RGS7: variants seen among roughly 807,000 people sequenced by gnomAD.
RGS7 encodes regulator of G protein signaling 7.
RGS7 carries 27 observed loss-of-function variants against 81.1 expected under a neutral mutation model. The observed-to-expected ratio is 0.33, with a 90% CI of 0.25 to 0.46. The LOEUF is 0.46. RGS7 is among the 20% of genes least tolerant of loss of function. The probability of loss-of-function intolerance (pLI) is 1.00; values close to 1 mark genes in which losing one functional copy is unlikely to be tolerated. For missense variants in RGS7, 396 were observed against 607.4 expected, an observed-to-expected ratio of 0.65 and a Z score of 3.66; for synonymous variants, 208 against 207.7, an observed-to-expected ratio of 1.00 and a Z score of -0.01.
At chr1:241,220,954 G>GAAGC (rs1558202598) in intron 2 of RGS7, among the ~76,000 whole-genome samples, 1 of 16,494 alleles carries the variant, frequency 6.1e-5, no homozygotes, top group Non-Finnish European at 1.5e-4. Flanking sequence ...AAGAAGCAAG[G>GAAGC]AAGGAAGGAA....
intron 2 of RGS7, among the ~76,000 whole-genome samples, chr1:241,341,998 C>T (rs562360301): frequency 3.3e-5 from 5 of 151,502 alleles, no homozygotes; most frequent in Admixed American, 6.6e-5. Context: ...CTTCACCCTC[C>T]GGAGTGGCTG....
intron 2 of RGS7, among the ~76,000 whole-genome samples, chr1:241,139,781 A>G (rs2067796558): frequency 6.6e-6 from 1 of 152,220 alleles, no homozygotes; most frequent in Non-Finnish European, 1.5e-5. Context: ...CATTTATGCC[A>G]TGCTTTCTAA....
At chr1:241,287,377 A>G (rs2078869553) in intron 2 of RGS7, among the ~76,000 whole-genome samples, 1 of 152,096 alleles carries the variant, frequency 6.6e-6, no homozygotes, top group South Asian at 2.1e-4. Context: ...GTGATAGTGA[A>G]TAAGTCTCAC....
chr1:240,801,866 T>C (rs1468001609), intron 16 of RGS7, among the ~76,000 whole-genome samples: 3 of 152,192 alleles, frequency 2.0e-5, no homozygotes, highest in Non-Finnish European at 1.5e-5. Context: ...AAAACTTTTA[T>C]GAGAAAAAAT....
intron 3 of RGS7, among the ~76,000 whole-genome samples, chr1:241,061,249 T>C (rs1256476669): frequency 6.6e-6 from 1 of 152,222 alleles, no homozygotes; most frequent in East Asian, 1.9e-4. Flanking sequence ...CTTGTAAAGG[T>C]CACTGTATTT....
intron 3 of RGS7, among the ~76,000 whole-genome samples, chr1:241,037,219 T>C (rs563525959): frequency 6.6e-6 from 1 of 152,300 alleles, no homozygotes; most frequent in South Asian, 2.1e-4. Context: ...GCTGGTAAGA[T>C]AGAGATGTGT....
chr1:240,912,927 T>C (rs1311900815), intron 6 of RGS7, among the ~76,000 whole-genome samples: 1 of 152,160 alleles, frequency 6.6e-6, no homozygotes, highest in East Asian at 1.9e-4. Flanking sequence ...TGGGTTTAGA[T>C]GAAAAGACTA....
At chr1:240,812,147 CTT>C (rs1689959009) in intron 13 of RGS7, 104 bp from the exon 14 acceptor site, 1 of 1,219,318 alleles carries the variant, frequency 8.2e-7, no homozygotes, top group African/African-American at 1.5e-5. Flanking sequence ...AAGTTCCCAT[CTT>C]TACCTTTTCT....
chr1:241,056,982 T>C (rs1419032172), intron 3 of RGS7, among the ~76,000 whole-genome samples: 1 of 152,214 alleles, frequency 6.6e-6, no homozygotes, highest in Non-Finnish European at 1.5e-5. Flanking sequence ...CCTCTCACTT[T>C]ATTTCCTAGC....
chr1:241,277,615 T>A (rs941733723), intron 2 of RGS7, among the ~76,000 whole-genome samples: 1 of 122,502 alleles, frequency 8.2e-6, no homozygotes, highest in African/African-American at 2.7e-5. Flanking sequence ...CGAGACTCCA[T>A]CTCAAAAAAA....
At chr1:240,782,188 C>T (rs1259572578) in intron 18 of RGS7, among the ~76,000 whole-genome samples, 1 of 152,094 alleles carries the variant, frequency 6.6e-6, no homozygotes, top group Non-Finnish European at 1.5e-5. Context: ...CTCTAGTGCA[C>T]AAAGAAATGA....
intron 2 of RGS7, among the ~76,000 whole-genome samples, chr1:241,110,435 C>T (rs542482555): frequency 2.6e-5 from 4 of 151,894 alleles, no homozygotes; most frequent in African/African-American, 4.8e-5. Flanking sequence ...CAAAAATGGA[C>T]GAATCATTCC....
chr1:241,073,585 G>A (rs2062611175), intron 3 of RGS7, among the ~76,000 whole-genome samples: 1 of 152,138 alleles, frequency 6.6e-6, no homozygotes, highest in Non-Finnish European at 1.5e-5. Context: ...ATTCTTTATT[G>A]TCAGTAATGT....
At chr1:241,174,501 C>A (rs1216981290) in intron 2 of RGS7, among the ~76,000 whole-genome samples, 3 of 152,212 alleles carry the variant, frequency 2.0e-5, no homozygotes, top group African/African-American at 4.8e-5. Context: ...GCATGTCACA[C>A]CTAAAGCACA....
intron 2 of RGS7, among the ~76,000 whole-genome samples, chr1:241,306,144 A>ACACACT: frequency 6.6e-6 from 1 of 151,408 alleles, no homozygotes; most frequent in African/African-American, 2.4e-5. Flanking sequence ...ACACACACAC[A>ACACACT]CACACTCACA....
chr1:240,803,476 T>G (rs2103060160), intron 15 of RGS7, among the ~76,000 whole-genome samples: 1 of 152,178 alleles, frequency 6.6e-6, no homozygotes, highest in Non-Finnish European at 1.5e-5. Context: ...GCATGGAAAA[T>G]TGTCTTCCAT....
intron 2 of RGS7, among the ~76,000 whole-genome samples, chr1:241,340,047 G>A (rs1287025937): frequency 6.6e-6 from 1 of 152,190 alleles, no homozygotes; most frequent in East Asian, 1.9e-4. Flanking sequence ...TTTTAAGGAT[G>A]TAGATAATTC....
chr1:241,157,675 T>G (rs942784772), intron 2 of RGS7, among the ~76,000 whole-genome samples: 1 of 152,202 alleles, frequency 6.6e-6, no homozygotes, highest in African/African-American at 2.4e-5. Context: ...TCAGATTTTG[T>G]TGGGCCCGGG....
intron 3 of RGS7, among the ~76,000 whole-genome samples, chr1:241,035,415 G>A (rs577490397): frequency 6.6e-5 from 10 of 152,106 alleles, no homozygotes; most frequent in East Asian, 1.9e-4. Context: ...ATAGGAATTC[G>A]GAGAAGGGAA....
Sources: gnomAD v4.1 joint callset for allele counts (sites outside exome capture counted in the v4.1 genomes callset) on GRCh38, gnomAD v4.1.1 for gene constraint, MANE v1.5 for transcripts, NCBI Gene and HGNC (gene_info 2026-07-23, HGNC 2026-07-21) for gene names.